The following BMPR2 variants were observed in gnomAD, a reference collection of about 807,000 sequenced individuals.
BMPR2 encodes bone morphogenetic protein receptor type-2.
A neutral mutation model predicts 100.8 loss-of-function variants in BMPR2; 29 were observed. That is an observed-to-expected ratio of 0.29 (90% CI 0.21 to 0.39). BMPR2 has a LOEUF of 0.39. BMPR2 is among the 10% of genes least tolerant of loss of function. The pLI is 1.00. For synonymous variants in BMPR2, 382 were observed against 442.3 expected, an observed-to-expected ratio of 0.86 and a Z score of 1.71; for missense variants, 1,011 against 1,274.5, an observed-to-expected ratio of 0.79 and a Z score of 3.15.
At chr2:202,464,248 AT>A (rs981238299) in intron 1 of BMPR2, among the ~76,000 whole-genome samples, 3 of 148,136 alleles carry the variant, frequency 2.0e-5, no homozygotes, top group Non-Finnish European at 3.0e-5. Flanking sequence ...CAATTCAGTT[AT>A]TTTTTTTGCA....
intron 1 of BMPR2, among the ~76,000 whole-genome samples, chr2:202,439,260 A>G (rs1249286225): frequency 6.7e-6 from 1 of 149,476 alleles, no homozygotes; most frequent in Non-Finnish European, 1.5e-5. Flanking sequence ...TCGCATTTGG[A>G]TTGCTCATTG....
At chr2:202,380,965 C>CTTTTTTT (rs1159400445) in intron 1 of BMPR2, among the ~76,000 whole-genome samples, 3 of 70,788 alleles carry the variant, frequency 4.2e-5, no homozygotes, top group Admixed American at 1.7e-4. Context: ...TTCTTTCTTT[C>CTTTTTTT]TTTTTTTTTT....
At chr2:202,419,590 T>C (rs1026207334) in intron 1 of BMPR2, among the ~76,000 whole-genome samples, 38 of 152,136 alleles carry the variant, frequency 2.5e-4, no homozygotes, top group African/African-American at 8.7e-4. Context: ...CTCCTGACCT[T>C]GTAATCCACC....
chr2:202,382,058 GT>G (rs1216592236), intron 1 of BMPR2, among the ~76,000 whole-genome samples: 138 of 113,658 alleles, frequency 1.2e-3, no homozygotes, highest in East Asian at 2.0e-3. Flanking sequence ...TTTTGTTTTT[GT>G]TTTTTTTTTT....
At chr2:202,426,294 T>C (rs1387549002) in intron 1 of BMPR2, among the ~76,000 whole-genome samples, 1 of 152,074 alleles carries the variant, frequency 6.6e-6, no homozygotes, top group Non-Finnish European at 1.5e-5. Flanking sequence ...TATAATTTAG[T>C]TTATGGCCGG....
At chr2:202,407,786 T>C (rs933142663) in intron 1 of BMPR2, among the ~76,000 whole-genome samples, 1 of 151,976 alleles carries the variant, frequency 6.6e-6, no homozygotes, top group Non-Finnish European at 1.5e-5. Flanking sequence ...ACTGTATTTA[T>C]ACTTTATTCT....
chr2:202,482,084 G>A (rs1271886415), intron 3 of BMPR2, among the ~76,000 whole-genome samples: 1 of 152,196 alleles, frequency 6.6e-6, no homozygotes, highest in East Asian at 1.9e-4. Context: ...TATCATATTT[G>A]TCTTTTTGCA....
At chr2:202,387,668 G>A (rs1390094000) in intron 1 of BMPR2, among the ~76,000 whole-genome samples, 2 of 152,024 alleles carry the variant, frequency 1.3e-5, no homozygotes, top group African/African-American at 4.8e-5. Flanking sequence ...AAATGTCAGT[G>A]GATAATAAAA....
At chr2:202,478,604 C>T (rs1431023284) in intron 3 of BMPR2, among the ~76,000 whole-genome samples, 1 of 152,090 alleles carries the variant, frequency 6.6e-6, no homozygotes, top group Non-Finnish European at 1.5e-5. Context: ...GGTGGGGCAA[C>T]AAAGCAAGAC....
At chr2:202,553,081 A>G (rs995705502) in intron 11 of BMPR2, among the ~76,000 whole-genome samples, 193 bp downstream of exon 11, 7 of 152,196 alleles carry the variant, frequency 4.6e-5, no homozygotes, top group Admixed American at 1.3e-4. Flanking sequence ...GCAAGATGAA[A>G]TCTGCATTTT....
At chr2:202,488,196 C>T (rs996784816) in intron 3 of BMPR2, among the ~76,000 whole-genome samples, 3 of 152,070 alleles carry the variant, frequency 2.0e-5, no homozygotes, top group African/African-American at 7.2e-5. Flanking sequence ...TATCCGTGAA[C>T]TCCTGTTGAG....
intron 3 of BMPR2, chr2:202,475,089 G>T (rs1022923208): frequency 6.6e-6 from 1 of 152,016 alleles, no homozygotes; most frequent in African/African-American, 2.4e-5. Context: ...TTTAGATCCT[G>T]CCTTTTTGTT....
At chr2:202,539,945 A>G (rs1400660862) in intron 9 of BMPR2, among the ~76,000 whole-genome samples, 1 of 152,172 alleles carries the variant, frequency 6.6e-6, no homozygotes, top group African/African-American at 2.4e-5. Context: ...GTAAGGTTTT[A>G]AGGAAATCCA....
intron 1 of BMPR2, among the ~76,000 whole-genome samples, chr2:202,389,841 T>C (rs1690511855): frequency 6.6e-6 from 1 of 151,924 alleles, no homozygotes; most frequent in Non-Finnish European, 1.5e-5. Context: ...GGTTTTTCCA[T>C]GTTGGTCAGG....
intron 3 of BMPR2, among the ~76,000 whole-genome samples, chr2:202,479,937 A>C (rs1196962793): frequency 1.3e-5 from 2 of 152,052 alleles, no homozygotes; most frequent in Non-Finnish European, 2.9e-5. Context: ...CCCATTGCCC[A>C]TATAAAAATT....
intron 1 of BMPR2, among the ~76,000 whole-genome samples, chr2:202,427,067 C>T (rs938293407): frequency 6.6e-6 from 1 of 152,050 alleles, no homozygotes; most frequent in Non-Finnish European, 1.5e-5. Flanking sequence ...ATATTGAAGG[C>T]GGGCTTGGCG....
intron 1 of BMPR2, among the ~76,000 whole-genome samples, chr2:202,385,321 T>C (rs1050443451): frequency 2.0e-5 from 3 of 151,428 alleles, no homozygotes; most frequent in Non-Finnish European, 4.4e-5. Flanking sequence ...CCCTAACACT[T>C]TTTGTTTTGG....
intron 3 of BMPR2, among the ~76,000 whole-genome samples, chr2:202,485,712 A>G (rs1212691362): frequency 2.0e-5 from 3 of 150,886 alleles, no homozygotes; most frequent in Non-Finnish European, 1.5e-5. Flanking sequence ...ATGCCTGCTT[A>G]TTTTGTATTT....
chr2:202,475,327 C>T (rs2105968845), intron 3 of BMPR2, among the ~76,000 whole-genome samples: 1 of 152,216 alleles, frequency 6.6e-6, no homozygotes, highest in Middle Eastern at 3.4e-3. Flanking sequence ...AGTCACCACG[C>T]CCGGCCACAT....
Sources: gnomAD v4.1 joint callset for allele counts (sites outside exome capture counted in the v4.1 genomes callset) on GRCh38, gnomAD v4.1.1 for gene constraint, MANE v1.5 for transcripts, NCBI Gene and HGNC (gene_info 2026-07-23, HGNC 2026-07-21) for gene names.